CAMTA1: variants seen among roughly 807,000 people sequenced by gnomAD.
CAMTA1 encodes the protein calmodulin binding transcription activator 1.
A neutral mutation model predicts 170.9 loss-of-function variants in CAMTA1; 27 were observed. The ratio of observed to expected loss-of-function variants is 0.16; its 90% CI spans 0.12 to 0.22. CAMTA1 has a LOEUF of 0.22. Among genes scored for constraint, CAMTA1 ranks in the 10% least tolerant of loss-of-function variants. The pLI, the probability that CAMTA1 is intolerant of heterozygous loss-of-function variation, is 1.00. For synonymous variants in CAMTA1, 833 were observed against 891.5 expected (o/e 0.93, Z 1.17); for missense variants, 1,619 against 2,217.2 (o/e 0.73, Z 5.42).
rs187207479 is a variant in CAMTA1 at position 6,942,091 on chromosome 1, A to G, written c.234+116881A>G. ...TTTTCTTTTTTCTTTTTTTTTTTAA[A>G]GAAATCTCATTTTACAAATGGTTTT... On this transcript the variant is annotated intron_variant, in intron 3 of 22. Coordinates refer to ENST00000303635, the MANE Select transcript of CAMTA1 (RefSeq NM_015215.4). 4.4e-3 allele frequency among the ~76,000 whole-genome samples: 655 copies of G among 147,360 alleles called. 8 individuals carry two copies. Among genetic ancestry groups the G allele is most frequent in the African/African-American group, 0.016 (640 of 40,574 alleles).
intron 6 of CAMTA1, among the ~76,000 whole-genome samples, chr1:7,552,701 TCA>T (rs146197400): frequency 0.042 from 6,371 of 152,154 alleles, 156 homozygotes; most frequent in African/African-American, 0.075. Context: ...GTCCAAACAC[TCA>T]GGGCTCTGGA....
intron 5 of CAMTA1, among the ~76,000 whole-genome samples, chr1:7,465,480 C>T (rs981962009): frequency 6.0e-5 from 7 of 117,022 alleles, no homozygotes; most frequent in African/African-American, 2.6e-4. Context: ...CCACGCTTCT[C>T]ATCCAAGGAG....
intron 11 of CAMTA1, among the ~76,000 whole-genome samples, chr1:7,688,798 C>T (rs1167602959): frequency 1.3e-5 from 2 of 152,212 alleles, no homozygotes; most frequent in East Asian, 3.8e-4. Flanking sequence ...ACATCTGTGA[C>T]ACCAGGACAT....
chr1:7,118,470 A>G (rs897913831), intron 4 of CAMTA1, among the ~76,000 whole-genome samples: 7 of 151,298 alleles, frequency 4.6e-5, no homozygotes, highest in Admixed American at 4.6e-4. Flanking sequence ...TTAAAAAAAA[A>G]ATTTTTTTTT....
intron 5 of CAMTA1, among the ~76,000 whole-genome samples, chr1:7,410,706 C>T (rs544477518): frequency 6.6e-6 from 1 of 152,192 alleles, no homozygotes; most frequent in Non-Finnish European, 1.5e-5. Context: ...TTGATGACGT[C>T]CCCACAGCCC....
intron 3 of CAMTA1, among the ~76,000 whole-genome samples, chr1:6,987,902 C>A (rs148829161): frequency 3.3e-5 from 5 of 152,080 alleles, no homozygotes; most frequent in African/African-American, 1.2e-4. Flanking sequence ...GGGCATCATC[C>A]GCAGCAAGAG....
intron 4 of CAMTA1, among the ~76,000 whole-genome samples, chr1:7,202,203 T>C (rs1032633158): frequency 6.6e-6 from 1 of 152,220 alleles, no homozygotes; most frequent in Non-Finnish European, 1.5e-5. Context: ...ATGACAGCTG[T>C]ATGGGTTTAT....
intron 6 of CAMTA1, among the ~76,000 whole-genome samples, chr1:7,544,862 C>T (rs1442365139): frequency 2.0e-5 from 3 of 152,148 alleles, no homozygotes; most frequent in African/African-American, 7.2e-5. Flanking sequence ...TTTAACAACT[C>T]GCTTTCTCCG....
At chr1:6,989,558 G>A (rs1398764810) in intron 3 of CAMTA1, among the ~76,000 whole-genome samples, 1 of 152,136 alleles carries the variant, frequency 6.6e-6, no homozygotes, top group South Asian at 2.1e-4. Flanking sequence ...CAAGATTTAT[G>A]AGAACTCACC....
intron 6 of CAMTA1, among the ~76,000 whole-genome samples, chr1:7,519,192 G>C (rs1224337039): frequency 2.0e-5 from 3 of 152,136 alleles, no homozygotes; most frequent in African/African-American, 7.3e-5. Flanking sequence ...GAGGTGCCCT[G>C]ATGCCGGCTG....
At chr1:7,310,696 CTCTCTCTT>C (rs768859091) in intron 5 of CAMTA1, among the ~76,000 whole-genome samples, 23 of 43,638 alleles carry the variant, frequency 5.3e-4, no homozygotes, top group Non-Finnish European at 7.4e-4. Context: ...CTCTCTCTCT[CTCTCTCTT>C]TCTTTCTTTC....
chr1:7,012,187 G>A (rs1699898552), intron 3 of CAMTA1, among the ~76,000 whole-genome samples: 1 of 152,132 alleles, frequency 6.6e-6, no homozygotes, highest in Admixed American at 6.5e-5. Context: ...GTCAGGTGCT[G>A]GTGGTCCCCG....
intron 3 of CAMTA1, among the ~76,000 whole-genome samples, chr1:6,881,743 G>A (rs978761462): frequency 9.2e-5 from 14 of 152,112 alleles, no homozygotes; most frequent in African/African-American, 2.4e-4. Context: ...CAGTGTGGGC[G>A]GATCTTGAGG....
chr1:7,320,913 G>C (rs1678315900), intron 5 of CAMTA1, among the ~76,000 whole-genome samples: 1 of 152,076 alleles, frequency 6.6e-6, no homozygotes, highest in African/African-American at 2.4e-5. Flanking sequence ...AATCCAACAG[G>C]GGGCCTACAA....
chr1:7,618,239 A>G (rs1409107929), intron 6 of CAMTA1, among the ~76,000 whole-genome samples: 1 of 152,170 alleles, frequency 6.6e-6, no homozygotes, highest in African/African-American at 2.4e-5. Context: ...CTGTAACTCA[A>G]GAAGGTGTTA....
Position 7,665,220 on chromosome 1 carries a change from C to A in CAMTA1, c.2652+21C>A. On this transcript the variant is annotated intron_variant, in intron 9 of 22. Transcript: ENST00000303635. The surrounding 1 kb of genome is among the most constrained non-coding windows in gnomAD (Gnocchi z 4.3). ...CAGAGGTAAGCTGCCGCCGCTGCCA[C>A]CACCTGTCACCTCCCCTCCCACCCA... 7.0e-7 allele frequency: 1 copy of A among 1,433,146 alleles called. No homozygotes were observed. Among genetic ancestry groups the A allele is most frequent in the Non-Finnish European group, 9.1e-7 (1 of 1,097,886 alleles). The allele number at this position is 1,433,146 out of a possible 1,614,324, so 88.8% of individuals were successfully genotyped here. A position where few individuals can be genotyped will look rare whatever the true frequency, so the allele number is the denominator to read the frequency against.
intron 11 of CAMTA1, among the ~76,000 whole-genome samples, chr1:7,684,679 C>T (rs767546624): frequency 6.6e-6 from 1 of 152,206 alleles, no homozygotes; most frequent in African/African-American, 2.4e-5. Context: ...GGTGTGAACC[C>T]GTCTTAATGA....
intron 6 of CAMTA1, among the ~76,000 whole-genome samples, chr1:7,544,638 A>G (rs964664311): frequency 2.0e-5 from 3 of 152,228 alleles, no homozygotes; most frequent in African/African-American, 7.2e-5. Flanking sequence ...GTGTTGCTAT[A>G]ACATAACACC....
chr1:7,582,463 T>G (rs924581940), intron 6 of CAMTA1, among the ~76,000 whole-genome samples: 1 of 152,074 alleles, frequency 6.6e-6, no homozygotes, highest in African/African-American at 2.4e-5. Flanking sequence ...CAGCTGTGAG[T>G]GGCAGAAAAT....
Sources: allele counts gnomAD v4.1 joint callset (sites outside exome capture counted in the v4.1 genomes callset), GRCh38; gene constraint gnomAD v4.1.1; non-coding constraint Gnocchi (gnomAD v3.1); transcripts MANE v1.5; gene names NCBI Gene and HGNC (gene_info 2026-07-23, HGNC 2026-07-21).